The following UNC79 variants were observed in gnomAD, a reference collection of about 807,000 sequenced individuals.
UNC79 encodes protein unc-79 homolog.
In UNC79, 37 loss-of-function variants were observed where a neutral mutation model predicts 283.1. That is an observed-to-expected ratio of 0.13 (90% CI 0.10 to 0.17). The LOEUF (loss-of-function observed/expected upper bound fraction) is 0.17. UNC79 is among the 10% of genes least tolerant of loss of function. The pLI is 1.00. For missense variants in UNC79, 2,272 were observed against 3,211.1 expected, an observed-to-expected ratio of 0.71 and a Z score of 7.07; for synonymous variants, 1,107 against 1,200.2, an observed-to-expected ratio of 0.92 and a Z score of 1.61.
At chr14:93,347,461 TG>T in intron 1 of UNC79, 2 of 1,377,604 alleles carry the variant, frequency 1.5e-6, no homozygotes, top group Non-Finnish European at 1.9e-6. Flanking sequence ...CCCCGACGGG[TG>T]GGGAGAAGGG....
intron 33 of UNC79, among the ~76,000 whole-genome samples, chr14:93,642,863 A>G (rs896495196): frequency 1.3e-5 from 2 of 152,188 alleles, no homozygotes; most frequent in African/African-American, 2.4e-5. Context: ...CTTTTATAAA[A>G]CTGCTCACTT....
In UNC79 at chr14:93,501,797, A is replaced by C. The variant is rs557528231; in HGVS notation, c.898+4511A>C. ...TATTTACAGGTTTTGGTGAACTTTA[A>C]AACCTATAATTAAGATCATATTGTA... On this transcript the variant is annotated intron_variant, in intron 7 of 48. Transcript: ENST00000555664. Among the ~76,000 whole-genome samples, 79 of 152,230 alleles carry C rather than the reference A, an allele frequency of 5.2e-4. 1 individual carries two copies. Among genetic ancestry groups the C allele is most frequent in the Non-Finnish European group, 1.0e-3 (68 of 68,048 alleles).
intron 1 of UNC79, among the ~76,000 whole-genome samples, chr14:93,356,220 G>A (rs556147228): frequency 6.6e-6 from 1 of 152,162 alleles, no homozygotes; most frequent in East Asian, 1.9e-4. Context: ...TAGAGACAGA[G>A]TTTCGTTGGC....
At chr14:93,582,868 CATG>C in intron 20 of UNC79, among the ~76,000 whole-genome samples, 1 of 152,232 alleles carries the variant, frequency 6.6e-6, no homozygotes, top group East Asian at 1.9e-4. Context: ...GCTCCTCTCA[CATG>C]AGGACGTTTA....
chr14:93,485,198 G>GTA lies in UNC79; in HGVS notation c.620-2457_620-2456dup, dbSNP rs543313928. 1.0e-4 allele frequency among the ~76,000 whole-genome samples: 14 copies of GTA among 135,134 alleles called. 1 individual carries two copies. The East Asian group carries it at 2.3e-3, about 22-fold the overall frequency. 88.7% of individuals were successfully genotyped at this position (135,134 alleles called of 152,430 possible). ...AGAATATATATATGTATATATATGT[G>GTA]TATATATATGTGTATATATATATAT... is the stretch of plus-strand genomic sequence containing the variant. On this transcript the variant is annotated intron_variant, in intron 4 of 48. Coordinates refer to ENST00000555664, the Ensembl canonical transcript of UNC79.
intron 1 of UNC79, chr14:93,467,039 C>T: frequency 2.2e-6 from 1 of 445,706 alleles, no homozygotes; most frequent in Non-Finnish European, 3.0e-6. Context: ...TTATTTTTTA[C>T]ATTTTTATTA....
chr14:93,374,273 A>G (rs2054511815), intron 1 of UNC79, among the ~76,000 whole-genome samples: 1 of 152,144 alleles, frequency 6.6e-6, no homozygotes, highest in Non-Finnish European at 1.5e-5. Flanking sequence ...TTCAATCCAT[A>G]CAAGCAGCTA....
chr14:93,486,338 C>T (rs1412214134), intron 4 of UNC79, among the ~76,000 whole-genome samples: 2 of 152,044 alleles, frequency 1.3e-5, no homozygotes, highest in Non-Finnish European at 2.9e-5. Context: ...TGGGTCCTCT[C>T]TCAATTACTG....
In UNC79 at chr14:93,431,097, G is replaced by C. The variant is rs954264001; in HGVS notation, c.22+46G>C. The C allele has an allele frequency of 4.8e-5, 32 of 671,910 alleles. No individual in the cohort carries two copies. The Admixed American group carries it at 6.2e-4, about 13-fold the overall frequency. The allele number at this position is 671,910 out of a possible 1,614,324, so 41.6% of individuals were successfully genotyped here. ...CATTCCGGCCCGGCCTCGGCTGGGA[G>C]CTATTGCAGCTGCGGCGTTTGCGGC... On this transcript the variant is annotated intron_variant, in intron 1 of 48. Transcript: ENST00000555664.
chr14:93,516,341 T>G (rs575814977), intron 7 of UNC79, among the ~76,000 whole-genome samples: 25 of 151,790 alleles, frequency 1.6e-4, no homozygotes, highest in African/African-American at 6.0e-4. Context: ...GTACTCCAGA[T>G]TTGTTCTTTT....
At chr14:93,341,994 G>C (rs994353942) in intron 1 of UNC79, among the ~76,000 whole-genome samples, 1 of 152,170 alleles carries the variant, frequency 6.6e-6, no homozygotes, top group Non-Finnish European at 1.5e-5. Flanking sequence ...GCTTTTCCAG[G>C]TGCATGGTGC....
At chr14:93,382,397 C>G (rs973868621) in intron 1 of UNC79, among the ~76,000 whole-genome samples, 3 of 152,094 alleles carry the variant, frequency 2.0e-5, no homozygotes, top group Non-Finnish European at 4.4e-5. Context: ...ATCTTCAGGA[C>G]CTGTCAAGAT....
chr14:93,535,731 T>G (rs1446179391), intron 11 of UNC79, among the ~76,000 whole-genome samples: 1 of 152,188 alleles, frequency 6.6e-6, no homozygotes, highest in African/African-American at 2.4e-5. Flanking sequence ...GGCTGTCTCA[T>G]GGCATCCTGG....
intron 11 of UNC79, among the ~76,000 whole-genome samples, chr14:93,534,356 G>A (rs1056292499): frequency 2.6e-5 from 4 of 152,116 alleles, no homozygotes; most frequent in African/African-American, 9.7e-5. Flanking sequence ...TAGGAGTTAG[G>A]GTCCCATATA....
intron 26 of UNC79, 28 bp downstream of exon 27, chr14:93,604,989 T>C: frequency 3.8e-6 from 6 of 1,559,380 alleles, no homozygotes; most frequent in Non-Finnish European, 5.2e-6. Context: ...TGAAGGGCCA[T>C]GTACAAGTGT....
chr14:93,590,945 G>A (rs1348466254), intron 22 of UNC79, among the ~76,000 whole-genome samples: 2 of 152,144 alleles, frequency 1.3e-5, no homozygotes, highest in Non-Finnish European at 2.9e-5. Flanking sequence ...TAATCATGAT[G>A]GTGGTAGCAG....
chr14:93,539,298 G>C (rs1676672530), intron 12 of UNC79, among the ~76,000 whole-genome samples: 1 of 150,028 alleles, frequency 6.7e-6, no homozygotes, highest in Admixed American at 6.6e-5. Context: ...CGAGGCGGGT[G>C]GATCACGGGG....
intron 24 of UNC79, among the ~76,000 whole-genome samples, chr14:93,598,895 A>C (rs2065285266): frequency 6.6e-6 from 1 of 152,266 alleles, no homozygotes; most frequent in South Asian, 2.1e-4. Context: ...TTCACAAATT[A>C]AAGCCAAAGA....
chr14:93,690,996 C>G lies in UNC79; in HGVS notation c.7272+693C>G, dbSNP rs2074647195. 1.3e-5 allele frequency: 2 copies of G among 153,228 alleles called. No individual in the cohort carries two copies. Among genetic ancestry groups the G allele is most frequent in the Non-Finnish European group, 2.9e-5 (2 of 68,842 alleles). 9.5% of individuals were successfully genotyped at this position (153,228 alleles called of 1,614,324 possible). On this transcript the variant is annotated intron_variant, in intron 45 of 48. Transcript: ENST00000555664. The surrounding 1 kb of genome is among the most constrained non-coding windows in gnomAD (Gnocchi z 4.3). The stretch of plus-strand genomic sequence containing the variant: ...CAGCTCGGGTTTGGGACAGGGCAAG[C>G]TGACGATGTGATAAAATGGCGCACC...
Sources: gnomAD v4.1 joint callset for allele counts (sites outside exome capture counted in the v4.1 genomes callset) on GRCh38, gnomAD v4.1.1 for gene constraint, Gnocchi (gnomAD v3.1) non-coding constraint, MANE v1.5 for transcripts, NCBI Gene and HGNC (gene_info 2026-07-23, HGNC 2026-07-21) for gene names.